The following NFATC2 variants were observed in gnomAD, a reference collection of about 807,000 sequenced individuals.
NFATC2 encodes the protein nuclear factor of activated T-cells, cytoplasmic 2.
A neutral mutation model predicts 87.3 loss-of-function variants in NFATC2; 22 were observed. The observed-to-expected ratio is 0.25, with a 90% CI of 0.18 to 0.36. NFATC2 has a LOEUF of 0.36. NFATC2 is among the 10% of genes least tolerant of loss of function. The pLI, the probability that NFATC2 is intolerant of heterozygous loss-of-function variation, is 1.00. For synonymous variants in NFATC2, 565 were observed against 542.2 expected, an observed-to-expected ratio of 1.04 and a Z score of -0.58; for missense variants, 1,149 against 1,259.1, an observed-to-expected ratio of 0.91 and a Z score of 1.32.
At chr20:51,474,428 A>C (rs1209415976) in intron 4 of NFATC2, among the ~76,000 whole-genome samples, 1 of 152,242 alleles carries the variant, frequency 6.6e-6, no homozygotes, top group Non-Finnish European at 1.5e-5. Context: ...ACTGGGGACT[A>C]TTGATTGTGG....
chr20:51,440,236 C>CAAAAAAA (rs34071345), intron 6 of NFATC2, among the ~76,000 whole-genome samples: 2,463 of 96,880 alleles, frequency 0.025, 129 homozygotes, highest in Non-Finnish European at 0.029. Flanking sequence ...AACTCCATCT[C>CAAAAAAA]AAAAAAAAAA....
At chr20:51,547,182 C>T (rs936713595), upstream of NFATC2, among the ~76,000 whole-genome samples, 13 of 152,126 alleles carry the variant, frequency 8.5e-5, no homozygotes, top group East Asian at 1.9e-4. Flanking sequence ...GGGTTGAAGC[C>T]GGAGGACCAA....
Position 51,562,571 on chromosome 20 carries a change from G to C in NFATC2, c.59C>G (p.Ser20Cys). The C allele has an allele frequency of 1.3e-6, 2 of 1,551,098 alleles. No homozygotes were observed. The highest frequency in any genetic ancestry group is 1.7e-6 in the Non-Finnish European group (2 of 1,146,514). ...CGAGAGTCAGTTACCTTGGTCCACAGACCCCATGATGCGGAGGGGATGGCA... is the reference window on the plus strand; with the variant it reads ...CGAGAGTCAGTTACCTTGGTCCACACACCCCATGATGCGGAGGGGATGGCA... The change falls in exon 1 of 11, where the codon TCT becomes TGT. Residue 20 changes from serine (S) to cysteine (C), a missense_variant. Physicochemically the swap from Ser to Cys is moderately radical, Grantham distance 112 (BLOSUM62 -1). Transcript: ENST00000414705. This position sits in a 1 kb window ranked among gnomAD's most constrained non-coding sequence, Gnocchi z 5.8.
chr20:51,523,785 G>A lies in NFATC2; in HGVS notation c.456C>T (p.Thr152=). 1.2e-6 allele frequency: 2 copies of A among 1,609,384 alleles called. No individual in the cohort carries two copies. The highest frequency in any genetic ancestry group is 1.7e-6 in the Non-Finnish European group (2 of 1,177,796). The part of the protein sequence containing the change: ...LAGVAASPRF[T]LPVPGFEGYR... ...AGCCCTCGAAGCCGGGCACGGGCAG[G>A]GTGAACCTCGGGCTGGCGGCCACCC... The change falls in exon 2 of 11, where the codon ACC becomes ACT. Residue 152 remains threonine, a synonymous_variant. Transcript: ENST00000371564. This position sits in a 1 kb window ranked among gnomAD's most constrained non-coding sequence, Gnocchi z 6.9.
upstream of NFATC2, among the ~76,000 whole-genome samples, chr20:51,543,006 G>A (rs2076851231): frequency 6.6e-6 from 1 of 152,168 alleles, no homozygotes; most frequent in African/African-American, 2.4e-5. Context: ...CCGCCACTAG[G>A]ACTTTTGCCC....
At chr20:51,456,611 C>G (rs774168017) in intron 5 of NFATC2, among the ~76,000 whole-genome samples, 32 of 152,222 alleles carry the variant, frequency 2.1e-4, no homozygotes, top group Non-Finnish European at 1.0e-4. Flanking sequence ...CTCCTTCCAG[C>G]GTGGGCCAAG....
intron 9 of NFATC2, among the ~76,000 whole-genome samples, chr20:51,401,319 C>T (rs1371549555): frequency 1.3e-5 from 2 of 150,926 alleles, no homozygotes; most frequent in East Asian, 3.9e-4. Context: ...ACCTAGGCAA[C>T]AGAGCAAGAC....
chr20:51,435,331 G>C lies in NFATC2; in HGVS notation c.1906-17C>G. On this transcript the variant is annotated splice_polypyrimidine_tract_variant and intron_variant, in intron 7 of 10. Coordinates refer to ENST00000371564, the MANE Select transcript of NFATC2 (RefSeq NM_012340.5). Reference sequence around the variant, plus strand: ...AAGCATGTTCTATAAGGAAGGAGTTGTCATGAACTTAACTGCAATCATGTC... The same window carrying C: ...AAGCATGTTCTATAAGGAAGGAGTTCTCATGAACTTAACTGCAATCATGTC... 6.2e-7 allele frequency: 1 copy of C among 1,614,026 alleles called. No homozygotes were observed. The highest frequency in any genetic ancestry group is 1.1e-5 in the South Asian group (1 of 91,078).
chr20:51,538,789 G>T (rs1057080375), intron 1 of NFATC2, among the ~76,000 whole-genome samples: 13 of 152,224 alleles, frequency 8.5e-5, no homozygotes, highest in African/African-American at 1.7e-4. Flanking sequence ...ACGGTCCTAT[G>T]AGGCAAGTGG....
intron 9 of NFATC2, among the ~76,000 whole-genome samples, chr20:51,428,143 G>A (rs970082122): frequency 6.6e-6 from 1 of 152,058 alleles, no homozygotes; most frequent in Non-Finnish European, 1.5e-5. Context: ...GGTTGGGGAG[G>A]ACAGAGGAAT....
At chr20:51,532,702 C>T (rs984103484) in intron 1 of NFATC2, among the ~76,000 whole-genome samples, 1 of 152,188 alleles carries the variant, frequency 6.6e-6, no homozygotes, top group African/African-American at 2.4e-5. Context: ...GCCAACAGAT[C>T]ACTTTTGAAA....
chr20:51,544,729 A>G (rs1329122231), upstream of NFATC2, among the ~76,000 whole-genome samples: 1 of 152,212 alleles, frequency 6.6e-6, no homozygotes, highest in Admixed American at 6.5e-5. Flanking sequence ...CGACCTGAGC[A>G]CCACCAGACA....
intron 5 of NFATC2, among the ~76,000 whole-genome samples, chr20:51,466,805 C>A (rs1320176512): frequency 6.6e-6 from 1 of 152,206 alleles, no homozygotes; most frequent in Non-Finnish European, 1.5e-5. Flanking sequence ...GGCGCAGTGG[C>A]TCACGTCTGT....
intron 1 of NFATC2, among the ~76,000 whole-genome samples, chr20:51,542,153 G>A (rs1264657547): frequency 2.0e-5 from 3 of 152,160 alleles, no homozygotes; most frequent in Non-Finnish European, 4.4e-5. Context: ...TGAGCAACCA[G>A]AAACTGGTGC....
chr20:51,506,590 G>A (rs1345298698), intron 3 of NFATC2, among the ~76,000 whole-genome samples: 1 of 150,744 alleles, frequency 6.6e-6, no homozygotes, highest in African/African-American at 2.4e-5. Flanking sequence ...CTCATTCATG[G>A]GACTAAATTA....
rs1389050174 is a variant in NFATC2, at chr20:51,523,945, C to A, written c.296G>T (p.Ser99Ile). ...CGAGGCCCCTGCTGGCTTGGCCGCG[C>A]TCAGAAACTTCTGCGGCCCTACCCT... ...PDRVGPQKFL[S>I]AAKPAGASGL... The change falls in exon 2 of 11, where the codon AGC becomes ATC. Residue 99 changes from serine to isoleucine, a missense_variant. By Grantham distance (142) the Ser-to-Ile change is moderately radical (BLOSUM62 -2). Transcript: ENST00000371564. This position sits in a 1 kb window ranked among gnomAD's most constrained non-coding sequence, Gnocchi z 6.9. 6.3e-7 allele frequency: 1 copy of A among 1,595,140 alleles called. No individual in the cohort carries two copies.
chr20:51,477,193 T>C (rs766768884), intron 3 of NFATC2, among the ~76,000 whole-genome samples: 1 of 151,984 alleles, frequency 6.6e-6, no homozygotes, highest in African/African-American at 2.4e-5. Flanking sequence ...CTTTAAAAAA[T>C]AGTAAGGTAG....
At chr20:51,459,316 C>T (rs1358149770) in intron 5 of NFATC2, among the ~76,000 whole-genome samples, 2 of 152,138 alleles carry the variant, frequency 1.3e-5, no homozygotes, top group Non-Finnish European at 2.9e-5. Context: ...GGACAAATGG[C>T]ATAGGATCCC....
chr20:51,525,206 T>C (rs1033017855), intron 1 of NFATC2, among the ~76,000 whole-genome samples: 2 of 152,032 alleles, frequency 1.3e-5, no homozygotes, highest in Admixed American at 1.3e-4. Context: ...GGTGATAGAG[T>C]GAGACTCTGT....
Sources: gnomAD v4.1 joint callset for allele counts (sites outside exome capture counted in the v4.1 genomes callset) on GRCh38, gnomAD v4.1.1 for gene constraint, Gnocchi (gnomAD v3.1) non-coding constraint, MANE v1.5 for transcripts, NCBI Gene and HGNC (gene_info 2026-07-23, HGNC 2026-07-21) for gene names.